HECW1: variants seen among roughly 807,000 people sequenced by gnomAD.
The protein encoded by HECW1 is HECT, C2 and WW domain containing E3 ubiquitin protein ligase 1, also known as E3 ubiquitin-protein ligase HECW1.
HECW1 carries 61 observed loss-of-function variants against 182.3 expected under a neutral mutation model. The ratio of observed to expected loss-of-function variants is 0.33; its 90% CI spans 0.27 to 0.41. HECW1 has a LOEUF of 0.41. Among genes scored for constraint, HECW1 ranks in the 10% least tolerant of loss-of-function variants. The pLI is 1.00. For synonymous variants in HECW1, 859 were observed against 832.6 expected (o/e 1.03, Z -0.55); for missense variants, 1,739 against 2,108.9 (o/e 0.82, Z 3.44).
chr7:43,426,116 T>C (rs901352539), intron 8 of HECW1, among the ~76,000 whole-genome samples: 1 of 152,114 alleles, frequency 6.6e-6, no homozygotes, highest in Non-Finnish European at 1.5e-5. Context: ...TGGCCCCAAT[T>C]ATTGACCAAT....
At position 43,496,384 on chromosome 7, in the gene HECW1, A is replaced by G. The variant is rs114759133; in HGVS notation, c.3437+3204A>G. Among the ~76,000 whole-genome samples the G allele has an allele frequency of 7.9e-3, 1,207 of 152,130 alleles. 17 individuals are homozygous for G. The highest frequency in any genetic ancestry group is 0.028 in the African/African-American group (1,149 of 41,482). On this transcript the variant is annotated intron_variant, in intron 19 of 29. Transcript: ENST00000395891. ...ATATTTCATCAAAAACAGAAGGCTC[A>G]CGATGACTATCAGAAACTGGACTAT...
At chr7:43,459,786 T>A (rs1195534790) in intron 13 of HECW1, among the ~76,000 whole-genome samples, 1 of 152,154 alleles carries the variant, frequency 6.6e-6, no homozygotes, top group African/African-American at 2.4e-5. Context: ...CATCCCCCCG[T>A]CTTGGCCTCC....
intron 2 of HECW1, among the ~76,000 whole-genome samples, chr7:43,158,849 A>G (rs959072590): frequency 2.0e-5 from 3 of 152,226 alleles, no homozygotes; most frequent in Non-Finnish European, 1.5e-5. Flanking sequence ...TGTCTCATCT[A>G]GTTCCTCCTA....
chr7:43,402,484 C>T (rs375606163), intron 7 of HECW1, among the ~76,000 whole-genome samples: 6 of 152,202 alleles, frequency 3.9e-5, no homozygotes, highest in African/African-American at 1.2e-4. Context: ...ATTGTTTTAC[C>T]CAAGATTTCC....
In HECW1 at chr7:43,407,313, T is replaced by C. The variant is rs115210744; in HGVS notation, c.632-249T>C. Among the ~76,000 whole-genome samples the C allele has an allele frequency of 5.1e-3, 783 of 152,198 alleles. 6 individuals are homozygous for C. Among genetic ancestry groups the C allele is most frequent in the African/African-American group, 0.018 (741 of 41,528 alleles). On this transcript the variant is annotated intron_variant, in intron 7 of 29. Transcript: ENST00000395891. ...GACTACAACCCCTATTTTTTTAATGTCTCCACCTTGCAGAGGAATTTTACA... is the reference window on the plus strand; with the variant it reads ...GACTACAACCCCTATTTTTTTAATGCCTCCACCTTGCAGAGGAATTTTACA...
intron 3 of HECW1, among the ~76,000 whole-genome samples, chr7:43,248,398 G>A (rs1387314767): frequency 6.6e-6 from 1 of 152,012 alleles, no homozygotes; most frequent in Non-Finnish European, 1.5e-5. Context: ...ACCATACCCC[G>A]CCCCACCACA....
At chr7:43,322,976 A>G (rs936101951) in intron 5 of HECW1, among the ~76,000 whole-genome samples, 8 of 152,336 alleles carry the variant, frequency 5.3e-5, no homozygotes, top group African/African-American at 1.9e-4. Flanking sequence ...GAAGATAAAT[A>G]TTAAGGAAGA....
intron 24 of HECW1, among the ~76,000 whole-genome samples, chr7:43,523,331 C>G (rs995561351): frequency 2.0e-5 from 3 of 152,180 alleles, no homozygotes; most frequent in Non-Finnish European, 4.4e-5. Flanking sequence ...ACACCAGCAT[C>G]AAACAGCCCT....
At chr7:43,436,334 C>T (rs1487598388) in intron 8 of HECW1, among the ~76,000 whole-genome samples, 1 of 152,164 alleles carries the variant, frequency 6.6e-6, no homozygotes, top group Admixed American at 6.5e-5. Flanking sequence ...CCAACATTTA[C>T]CTTCCCGAGT....
chr7:43,466,605 C>G (rs563890101), intron 15 of HECW1, 37 bp downstream of exon 15: 7 of 1,600,612 alleles, frequency 4.4e-6, no homozygotes, highest in Non-Finnish European at 6.0e-6. Context: ...CGGCCTGGCT[C>G]GGCAAGACCC....
chr7:43,535,056 T>G (rs1158390719), intron 24 of HECW1, among the ~76,000 whole-genome samples: 1 of 152,188 alleles, frequency 6.6e-6, no homozygotes, highest in East Asian at 1.9e-4. Flanking sequence ...ATTAAACAGG[T>G]GTCCCAAAGT....
chr7:43,380,569 C>T (rs1403843897), intron 6 of HECW1, among the ~76,000 whole-genome samples: 7 of 151,982 alleles, frequency 4.6e-5, no homozygotes, highest in African/African-American at 9.7e-5. Flanking sequence ...CTCTTGTTAC[C>T]TAGGCTAAGG....
chr7:43,488,711 TG>T (rs1195650334), intron 17 of HECW1, among the ~76,000 whole-genome samples: 7 of 152,198 alleles, frequency 4.6e-5, no homozygotes, highest in African/African-American at 1.7e-4. Flanking sequence ...TCTTCATCGC[TG>T]TCCATTCCTG....
chr7:43,561,109 T>A (rs2082193942), intron 29 of HECW1, among the ~76,000 whole-genome samples: 1 of 152,252 alleles, frequency 6.6e-6, no homozygotes, highest in Non-Finnish European at 1.5e-5. Flanking sequence ...ACATGAGTCT[T>A]CCAGGTCCAG....
At chr7:43,390,173 G>A (rs1363570588) in intron 6 of HECW1, among the ~76,000 whole-genome samples, 3 of 152,100 alleles carry the variant, frequency 2.0e-5, no homozygotes, top group African/African-American at 7.2e-5. Flanking sequence ...AGGACCCTGT[G>A]CCTTGTCTTC....
intron 6 of HECW1, among the ~76,000 whole-genome samples, chr7:43,362,095 C>T (rs914107117): frequency 2.3e-5 from 3 of 132,262 alleles, no homozygotes; most frequent in African/African-American, 9.0e-5. Flanking sequence ...CGCACCACTG[C>T]ACTCCAGCCT....
intron 2 of HECW1, among the ~76,000 whole-genome samples, chr7:43,197,230 T>TCTTTTGGGG (rs1291808912): frequency 1.3e-5 from 2 of 152,090 alleles, no homozygotes; most frequent in East Asian, 3.9e-4. Flanking sequence ...GAAAATCTCT[T>TCTTTTGGGG]CTTTTGGGGG....
At chr7:43,354,332 C>T (rs1814833845) in intron 5 of HECW1, among the ~76,000 whole-genome samples, 2 of 152,072 alleles carry the variant, frequency 1.3e-5, no homozygotes, top group African/African-American at 2.4e-5. Flanking sequence ...TAGTGATTGA[C>T]CCCAATGAGA....
chr7:43,533,941 G>T (rs2081081200), intron 24 of HECW1, among the ~76,000 whole-genome samples: 1 of 152,086 alleles, frequency 6.6e-6, no homozygotes, highest in African/African-American at 2.4e-5. Flanking sequence ...CTGATCTGTT[G>T]GGGCAACAGA....
Sources: allele counts gnomAD v4.1 joint callset (sites outside exome capture counted in the v4.1 genomes callset), GRCh38; gene constraint gnomAD v4.1.1; transcripts MANE v1.5; gene names NCBI Gene and HGNC (gene_info 2026-07-23, HGNC 2026-07-21).